ZNF136: variants seen among roughly 807,000 people sequenced by gnomAD.
ZNF136 encodes the protein zinc finger protein 136 (clone pHZ-20).
In ZNF136, 8 loss-of-function variants were observed where a neutral mutation model predicts 11.4. That is an observed-to-expected ratio of 0.70 (90% CI 0.41 to 1.27). The LOEUF is 1.27. Ranked by LOEUF, ZNF136 falls within the 50% of genes most tolerant of loss-of-function variation. ZNF136 has a pLI of 0.01. For missense variants in ZNF136, 590 were observed against 656.5 expected (o/e 0.90, Z 1.11); for synonymous variants, 190 against 207.1 (o/e 0.92, Z 0.71).
In ZNF136 at chr19:12,188,491, C is replaced by G. The variant is rs1486820109; in HGVS notation, c.*490C>G. 1.3e-5 allele frequency: 2 copies of G among 152,578 alleles called. No homozygotes were observed. The highest frequency in any genetic ancestry group is 4.8e-5 in the African/African-American group (2 of 41,458). The allele number at this position is 152,578 out of a possible 1,614,324, so 9.5% of individuals were successfully genotyped here. On this transcript the variant is annotated 3_prime_UTR_variant, in exon 4 of 4. Transcript: ENST00000343979. ...CAACATGTAAGAATGTACCCTGGAT[C>G]AAAACACTATAAATGTGAAAACTAC... is the stretch of plus-strand genomic sequence containing the variant.
At chr19:12,163,744 A>G (rs562172989) in intron 1 of ZNF136, 66 of 153,642 alleles carry the variant, frequency 4.3e-4, no homozygotes, top group Non-Finnish European at 8.3e-4. Flanking sequence ...CGTTTCTCCT[A>G]TATTCTACAT....
intron 1 of ZNF136, among the ~76,000 whole-genome samples, chr19:12,168,372 G>A (rs893588096): frequency 1.3e-5 from 2 of 151,938 alleles, no homozygotes; most frequent in South Asian, 4.2e-4. Context: ...CCACGCCCCC[G>A]ACAAGCCCCG....
At chr19:12,181,826 A>G (rs963746395) in intron 1 of ZNF136, among the ~76,000 whole-genome samples, 7 of 152,146 alleles carry the variant, frequency 4.6e-5, no homozygotes, top group Non-Finnish European at 8.8e-5. Flanking sequence ...TAGTAGAGAC[A>G]GGGTTTCACC....
rs779670879 is a variant in ZNF136 at position 12,187,642 on chromosome 19, T to C, written c.1264T>C (p.Cys422Arg). ...RTHTGEKPYV[C>R]KHCGKAFVSS... ...TCACACTGGAGAGAAACCTTATGTA[T>C]GTAAACATTGTGGTAAAGCTTTCGT... Residue 422 changes from cysteine to arginine, a missense_variant, in exon 4 of 4, where the codon TGT becomes CGT. Coordinates refer to ENST00000343979, the MANE Select transcript of ZNF136 (RefSeq NM_003437.5). 5 of 1,614,162 alleles carry C rather than the reference T, an allele frequency of 3.1e-6. No homozygotes were observed. In the Admixed American group the frequency reaches 6.7e-5, roughly 22 times the overall value.
intron 1 of ZNF136, among the ~76,000 whole-genome samples, chr19:12,183,895 C>T (rs1347915490): frequency 6.6e-6 from 1 of 152,204 alleles, no homozygotes; most frequent in Non-Finnish European, 1.5e-5. Context: ...AGCCAGTTCA[C>T]CCGGCCACTG....
chr19:12,164,185 G>C (rs914568174), intron 1 of ZNF136, among the ~76,000 whole-genome samples: 2 of 152,152 alleles, frequency 1.3e-5, no homozygotes, highest in African/African-American at 4.8e-5. Flanking sequence ...GGGGCACTCA[G>C]CTTTTCCTCC....
At chr19:12,163,294 C>G in intron 1 of ZNF136, 88 bp downstream of exon 1, 5 of 1,316,914 alleles carry the variant, frequency 3.8e-6, no homozygotes, top group Non-Finnish European at 4.9e-6. Context: ...CGGGCCTTCC[C>G]GTGGGCGACT....
At chr19:12,167,741 A>G (rs1914516043) in intron 1 of ZNF136, among the ~76,000 whole-genome samples, 1 of 152,136 alleles carries the variant, frequency 6.6e-6, no homozygotes, top group Non-Finnish European at 1.5e-5. Flanking sequence ...TCTCTACCTA[A>G]AACCTTTGTA....
chr19:12,178,594 G>A (rs1411274275), intron 1 of ZNF136, among the ~76,000 whole-genome samples: 1 of 152,168 alleles, frequency 6.6e-6, no homozygotes, highest in Non-Finnish European at 1.5e-5. Context: ...AAATGTTAAT[G>A]TCTTTTTCAT....
At chr19:12,181,514 C>A (rs169200) in intron 1 of ZNF136, among the ~76,000 whole-genome samples, 45 of 151,378 alleles carry the variant, frequency 3.0e-4, no homozygotes, top group Non-Finnish European at 5.6e-4. Context: ...ATTCTGTCGC[C>A]GAGGCTGGAA....
chr19:12,172,752 G>A (rs778188831), intron 1 of ZNF136, among the ~76,000 whole-genome samples: 15 of 152,166 alleles, frequency 9.9e-5, no homozygotes, highest in Non-Finnish European at 1.5e-4. Context: ...GGTGGCTCAC[G>A]CCTGTAATCC....
At chr19:12,185,941 A>T in intron 2 of ZNF136, 30 bp downstream of exon 2, 1 of 1,610,628 alleles carries the variant, frequency 6.2e-7, no homozygotes, top group Non-Finnish European at 8.5e-7. Context: ...ATCACTTAGC[A>T]ATTAAAGAAG....
chr19:12,170,665 A>AG (rs1914631350), intron 1 of ZNF136, among the ~76,000 whole-genome samples: 1 of 138,546 alleles, frequency 7.2e-6, no homozygotes, highest in Admixed American at 6.8e-5. Flanking sequence ...CATGCTTCAT[A>AG]AATTTTTTTT....
At chr19:12,180,561 G>T (rs558144476) in intron 1 of ZNF136, among the ~76,000 whole-genome samples, 15 of 152,304 alleles carry the variant, frequency 9.8e-5, no homozygotes, top group African/African-American at 3.4e-4. Context: ...GAAGCTGAGG[G>T]TGTGTGTATA....
chr19:12,177,218 G>A (rs1914819391), intron 1 of ZNF136, among the ~76,000 whole-genome samples: 1 of 152,206 alleles, frequency 6.6e-6, no homozygotes, highest in African/African-American at 2.4e-5. Flanking sequence ...GGTGGAAGAG[G>A]TATTGAAAGG....
chr19:12,170,852 T>G (rs1914636872), intron 1 of ZNF136, among the ~76,000 whole-genome samples: 4 of 149,668 alleles, frequency 2.7e-5, no homozygotes, highest in Admixed American at 2.7e-4. Flanking sequence ...TTTTTTTTTT[T>G]GAGACGGAGT....
intron 1 of ZNF136, among the ~76,000 whole-genome samples, chr19:12,181,951 T>A (rs1015870609): frequency 2.6e-5 from 4 of 152,108 alleles, no homozygotes; most frequent in African/African-American, 9.7e-5. Flanking sequence ...TTGTGTTTTT[T>A]AGTAGAGATG....
At chr19:12,173,622 T>A (rs1914715319) in intron 1 of ZNF136, among the ~76,000 whole-genome samples, 1 of 152,206 alleles carries the variant, frequency 6.6e-6, no homozygotes, top group Non-Finnish European at 1.5e-5. Flanking sequence ...GCCTTTAAAA[T>A]AGCCTTTATA....
intron 1 of ZNF136, chr19:12,184,865 A>C (rs1007760043): frequency 6.6e-6 from 1 of 152,170 alleles, no homozygotes; most frequent in South Asian, 2.1e-4. Context: ...ACTCTTACAT[A>C]GGTCATTGGG....
Sources: allele counts gnomAD v4.1 joint callset (sites outside exome capture counted in the v4.1 genomes callset), GRCh38; gene constraint gnomAD v4.1.1; transcripts MANE v1.5; gene names NCBI Gene and HGNC (gene_info 2026-07-23, HGNC 2026-07-21).